Variants in SBF2 observed in about 807,000 individuals in gnomAD.
The protein encoded by SBF2 is SET binding factor 2, also known as myotubularin-related protein 13.
SBF2 carries 112 observed loss-of-function variants against 225.2 expected under a neutral mutation model. That is an observed-to-expected ratio of 0.50 (90% CI 0.43 to 0.58). The LOEUF is 0.58. SBF2 is among the 20% of genes least tolerant of loss of function. SBF2 has a pLI of 0.00. For synonymous variants in SBF2, 763 were observed against 773.3 expected, an observed-to-expected ratio of 0.99 and a Z score of 0.22; for missense variants, 1,996 against 2,206.2, an observed-to-expected ratio of 0.90 and a Z score of 1.91.
intron 1 of SBF2, among the ~76,000 whole-genome samples, chr11:10,226,797 C>G (rs1591259457): frequency 6.6e-6 from 1 of 152,308 alleles, no homozygotes; most frequent in South Asian, 2.1e-4. Context: ...CATACATGTG[C>G]ATGTGTCTTT....
At chr11:9,888,921 C>T (rs1279589873) in intron 17 of SBF2, among the ~76,000 whole-genome samples, 2 of 152,182 alleles carry the variant, frequency 1.3e-5, no homozygotes. Flanking sequence ...TACTGCAAGT[C>T]AAACGTAGCA....
chr11:10,101,296 G>A (rs2134968958), intron 2 of SBF2, among the ~76,000 whole-genome samples: 1 of 152,326 alleles, frequency 6.6e-6, no homozygotes, highest in African/African-American at 2.4e-5. Context: ...ACCAACAGGA[G>A]AAAGCTGAGC....
chr11:9,783,343 C>G (rs938146325), intron 38 of SBF2, among the ~76,000 whole-genome samples: 1 of 152,178 alleles, frequency 6.6e-6, no homozygotes. Flanking sequence ...AAGCTGGACT[C>G]CAAATACAGT....
intron 32 of SBF2, among the ~76,000 whole-genome samples, chr11:9,807,172 G>C (rs1328317961): frequency 6.6e-6 from 1 of 152,144 alleles, no homozygotes; most frequent in African/African-American, 2.4e-5. Flanking sequence ...ATGAAAGCTG[G>C]AAATAGGCCT....
chr11:10,020,057 C>T (rs1948790519), intron 6 of SBF2, among the ~76,000 whole-genome samples: 1 of 152,110 alleles, frequency 6.6e-6, no homozygotes, highest in African/African-American at 2.4e-5. Context: ...CCAGGAATGT[C>T]AGGCGACCAT....
intron 2 of SBF2, among the ~76,000 whole-genome samples, chr11:10,072,144 G>T (rs752341435): frequency 6.6e-6 from 1 of 152,110 alleles, no homozygotes; most frequent in African/African-American, 2.4e-5. Context: ...CCCTTACCTA[G>T]ATTCACTAAT....
chr11:10,119,065 G>A (rs1348910187), intron 2 of SBF2, among the ~76,000 whole-genome samples: 3 of 152,040 alleles, frequency 2.0e-5, no homozygotes, highest in Middle Eastern at 3.4e-3. Flanking sequence ...TCTCAGGGTA[G>A]AACAATGTTT....
At chr11:10,297,747 C>A (rs1337435401), upstream of SBF2, among the ~76,000 whole-genome samples, 1 of 152,188 alleles carries the variant, frequency 6.6e-6, no homozygotes, top group Non-Finnish European at 1.5e-5. Context: ...TGCAAATGCC[C>A]ATTTTGTCAC....
At chr11:9,784,593 C>T (rs1317270198) in intron 37 of SBF2, among the ~76,000 whole-genome samples, 155 bp from the exon 38 acceptor site, 1 of 152,140 alleles carries the variant, frequency 6.6e-6, no homozygotes, top group Non-Finnish European at 1.5e-5. Flanking sequence ...TTCTGCTAGA[C>T]CTCTGGGGAA....
intron 23 of SBF2, among the ~76,000 whole-genome samples, chr11:9,846,421 C>T (rs561731199): frequency 9.9e-4 from 151 of 152,282 alleles, no homozygotes; most frequent in African/African-American, 3.5e-3. Flanking sequence ...AAGAAAAGGT[C>T]ACTTCTTCCA....
At chr11:9,881,590 C>A (rs1859764561) in intron 17 of SBF2, among the ~76,000 whole-genome samples, 1 of 152,110 alleles carries the variant, frequency 6.6e-6, no homozygotes, top group African/African-American at 2.4e-5. Flanking sequence ...GGACTGATTT[C>A]TCATGATAAC....
chr11:10,271,853 T>C lies in SBF2; in HGVS notation c.55+22162A>G, dbSNP rs183767787. On this transcript the variant is annotated intron_variant, in intron 1 of 39. Coordinates refer to ENST00000256190, the MANE Select transcript of SBF2 (RefSeq NM_030962.4). ...ACAAAAAAACAAGCAGTTATTACTA[T>C]TTAAAATTCTATTCCTTCACCCAGT... is the stretch of plus-strand genomic sequence containing the variant. 1.8e-5 allele frequency among the ~76,000 whole-genome samples: 2 copies of C among 112,120 alleles called. 1 individual carries two copies. The highest frequency in any genetic ancestry group is 4.3e-5 in the Non-Finnish European group (2 of 47,050). 73.6% of individuals were successfully genotyped at this position (112,120 alleles called of 152,430 possible).
intron 1 of SBF2, among the ~76,000 whole-genome samples, chr11:10,196,837 A>ATATATATATATATATATATATAT (rs1957372454): frequency 1.2e-5 from 1 of 83,522 alleles, no homozygotes; most frequent in Non-Finnish European, 2.4e-5. Flanking sequence ...TTCTTGCATA[A>ATATATATATATATATATATATAT]ATATATATAT....
chr11:9,999,072 CAA>C (rs932316666), intron 8 of SBF2, among the ~76,000 whole-genome samples: 3 of 151,972 alleles, frequency 2.0e-5, no homozygotes, highest in Non-Finnish European at 4.4e-5. Flanking sequence ...TAGCATTTTA[CAA>C]AAGTCTATTT....
intron 2 of SBF2, among the ~76,000 whole-genome samples, chr11:10,058,206 G>A (rs1950319577): frequency 6.6e-6 from 1 of 152,110 alleles, no homozygotes; most frequent in Non-Finnish European, 1.5e-5. Context: ...ATATGGATAG[G>A]AACAAAGATC....
At chr11:9,866,529 A>AG (rs1858236085) in intron 17 of SBF2, among the ~76,000 whole-genome samples, 1 of 152,254 alleles carries the variant, frequency 6.6e-6, no homozygotes, top group East Asian at 1.9e-4. Flanking sequence ...ATCCATATGC[A>AG]GGAAAATGAG....
At chr11:9,830,938 G>C (rs1410772915) in intron 27 of SBF2, among the ~76,000 whole-genome samples, 1 of 152,072 alleles carries the variant, frequency 6.6e-6, no homozygotes, top group Non-Finnish European at 1.5e-5. Flanking sequence ...GCTTATCGGT[G>C]CTCCCAAAAT....
chr11:10,254,313 GA>G (rs1960650175), intron 1 of SBF2, among the ~76,000 whole-genome samples: 1 of 151,406 alleles, frequency 6.6e-6, no homozygotes, highest in Non-Finnish European at 1.5e-5. Flanking sequence ...AGGACTGCTT[GA>G]GCTCAGGAGG....
intron 28 of SBF2, among the ~76,000 whole-genome samples, chr11:9,818,099 C>G (rs1328670311): frequency 6.6e-6 from 1 of 152,106 alleles, no homozygotes; most frequent in Non-Finnish European, 1.5e-5. Flanking sequence ...GCATGCACCA[C>G]CATGCCTGGC....
Sources: gnomAD v4.1 joint callset for allele counts (sites outside exome capture counted in the v4.1 genomes callset) on GRCh38, gnomAD v4.1.1 for gene constraint, MANE v1.5 for transcripts, NCBI Gene and HGNC (gene_info 2026-07-23, HGNC 2026-07-21) for gene names.